ZNF649: variants seen among roughly 807,000 people sequenced by gnomAD.
The protein encoded by ZNF649 is zinc finger protein 649.
Under a neutral mutation model 14.1 loss-of-function variants are expected in ZNF649, and 7 were observed. The observed-to-expected ratio is 0.49, with a 90% CI of 0.28 to 0.93. The LOEUF (loss-of-function observed/expected upper bound fraction) is 0.93, where lower values mean the gene tolerates loss of function less well. ZNF649 is among the 40% of genes least tolerant of loss of function. The pLI is 0.10. For missense variants in ZNF649, 544 were observed against 608.1 expected (o/e 0.89, Z 1.11); for synonymous variants, 227 against 212.3 (o/e 1.07, Z -0.60).
Position 51,891,270 on chromosome 19 carries a change from G to C in ZNF649, c.866C>G (p.Pro289Arg). Residue 289 changes from proline to arginine, a missense_variant, in exon 5 of 5, where the codon CCC (proline) becomes CGC (arginine). Pro to Arg is a moderately radical substitution (Grantham distance 103, BLOSUM62 -2). Coordinates refer to ENST00000354957, the MANE Select transcript of ZNF649 (RefSeq NM_023074.4). The surrounding 1 kb of genome is among the most constrained non-coding windows in gnomAD (Gnocchi z 4.2). ...TCTCCCACATTCGCTGCATTGATGG[G>C]GCTTAATTCCCGTGTGAATCCTTTG... ...EHQRIHTGIK[P>R]HQCSECGRAF... is the part of the protein sequence containing the mutation. The C allele has an allele frequency of 6.2e-7, 1 of 1,614,190 alleles. No individual in the cohort carries two copies. Among genetic ancestry groups the C allele is most frequent in the East Asian group, 2.2e-5 (1 of 44,884 alleles).
intron 1 of ZNF649, among the ~76,000 whole-genome samples, chr19:51,901,147 ATT>A (rs2085092327): frequency 6.6e-6 from 1 of 152,152 alleles, no homozygotes; most frequent in African/African-American, 2.4e-5. Context: ...TTAGAGAGAG[ATT>A]GTGTGCCATG....
chr19:51,901,505 C>T (rs939472924), intron 1 of ZNF649, among the ~76,000 whole-genome samples: 1 of 152,108 alleles, frequency 6.6e-6, no homozygotes, highest in Non-Finnish European at 1.5e-5. Flanking sequence ...TTTGGCCAGG[C>T]ACAGTGGCTC....
rs767962177 is a variant in ZNF649, at chr19:51,896,893, C to T, written c.101G>A (p.Arg34Gln). 1.4e-5 allele frequency: 22 copies of T among 1,614,032 alleles called. No homozygotes were observed. The highest frequency in any genetic ancestry group is 8.9e-5 in the East Asian group (4 of 44,894). ...GCTGTAGTTCTCCAACATCACATCC[C>T]GGTACAGGTCCTTCTGAGCAGGGCT... ...FLSPAQKDLY[R>Q]DVMLENYSNL... The change falls in exon 3 of 5, where the codon CGG (arginine) becomes CAG (glutamine). Residue 34 changes from arginine (R) to glutamine (Q), a missense_variant. By Grantham distance (43) the Arg-to-Gln change is conservative (BLOSUM62 1). Transcript: ENST00000354957.
At chr19:51,896,687 T>C in intron 3 of ZNF649, 120 bp from the exon 4 acceptor site, 1 of 1,567,376 alleles carries the variant, frequency 6.4e-7, no homozygotes, top group Non-Finnish European at 8.8e-7. Flanking sequence ...TTAAAGGCTT[T>C]TTTTCTAAGA....
Position 51,897,088 on chromosome 19 carries a change from T to C in ZNF649, c.16-110A>G. The stretch of plus-strand genomic sequence containing the variant: ...TAAGCTGCACCTGCACAGTTGTCCC[T>C]TGGTATACTCAATGGAATGGTTTCA... On this transcript the variant is annotated intron_variant, in intron 2 of 4. Transcript: ENST00000354957. 3 of 1,469,018 alleles carry C rather than the reference T, an allele frequency of 2.0e-6. No homozygotes were observed. In the Admixed American group the frequency reaches 5.3e-5, roughly 26 times the overall value. The allele number at this position is 1,469,018 out of a possible 1,614,324, so 91.0% of individuals were successfully genotyped here. A position where few individuals can be genotyped will look rare whatever the true frequency, so the allele number is the denominator to read the frequency against.
Position 51,891,753 on chromosome 19 carries a change from T to C in ZNF649, c.383A>G (p.Glu128Gly). ...TNQSRRYNRK[E>G]PAEFNGDGAF... ...TCCATCTCCATTAAACTCAGCAGGC[T>C]CCTTTCTGTTGTATCTTCTGCTCTG... Residue 128 changes from glutamate to glycine, a missense_variant, in exon 5 of 5, where the codon GAG becomes GGG. By Grantham distance (98) the Glu-to-Gly change is moderately conservative. Transcript: ENST00000354957. The surrounding 1 kb of genome is among the most constrained non-coding windows in gnomAD (Gnocchi z 4.2). 1 of 1,613,830 alleles carries C rather than the reference T, an allele frequency of 6.2e-7. No homozygotes were observed. The highest frequency in any genetic ancestry group is 8.5e-7 in the Non-Finnish European group (1 of 1,179,980).
At chr19:51,897,806 A>C (rs2085072202) in intron 2 of ZNF649, among the ~76,000 whole-genome samples, 1 of 152,178 alleles carries the variant, frequency 6.6e-6, no homozygotes, top group Non-Finnish European at 1.5e-5. Flanking sequence ...GTACTATTTA[A>C]CTTGAGTCTT....
At position 51,891,687 on chromosome 19, in the gene ZNF649, A is replaced by G. The variant is rs375576422; in HGVS notation, c.449T>C (p.Ile150Thr). ...HDNHEQMPTE[I>T]EFPESRKPIS... ...GGGTTTTCTACTTTCAGGGAATTCA[A>G]TTTCCGTAGGCATTTGTTCATGATT... The change falls in exon 5 of 5, where the codon ATT (isoleucine) becomes ACT (threonine). Residue 150 changes from isoleucine (I) to threonine (T), a missense_variant. Ile to Thr is a moderately conservative substitution (Grantham distance 89). Coordinates refer to ENST00000354957, the MANE Select transcript of ZNF649 (RefSeq NM_023074.4). This position sits in a 1 kb window ranked among gnomAD's most constrained non-coding sequence, Gnocchi z 4.2. 5 of 1,613,470 alleles carry G rather than the reference A, an allele frequency of 3.1e-6. No homozygotes were observed. The highest frequency in any genetic ancestry group is 4.5e-5 in the East Asian group (2 of 44,892).
intron 2 of ZNF649, among the ~76,000 whole-genome samples, chr19:51,898,077 A>G (rs2085073822): frequency 6.6e-6 from 1 of 150,502 alleles, no homozygotes; most frequent in Non-Finnish European, 1.5e-5. Context: ...CAGCCTGGGC[A>G]ACAAAGTAAG....
rs1193227343 is a variant in ZNF649, at chr19:51,890,437, T to C, written c.*181A>G. ...CCCCAGCCAAACTCTATGATCAAGA[T>C]AGTAAATGAAAAACAATATTGTGGG... On this transcript the variant is annotated 3_prime_UTR_variant, in exon 5 of 5. Coordinates refer to ENST00000354957, the MANE Select transcript of ZNF649 (RefSeq NM_023074.4). The C allele has an allele frequency of 5.5e-6, 3 of 549,378 alleles. No individual in the cohort carries two copies. The highest frequency in any genetic ancestry group is 1.9e-5 in the African/African-American group (1 of 53,064). The allele number at this position is 549,378 out of a possible 1,614,324, so 34.0% of individuals were successfully genotyped here. A position where few individuals can be genotyped will look rare whatever the true frequency, so the allele number is the denominator to read the frequency against.
In ZNF649 at chr19:51,890,793, T is replaced by C. The variant is rs2085016294; in HGVS notation, c.1343A>G (p.His448Arg). 1 of 1,614,256 alleles carries C rather than the reference T, an allele frequency of 6.2e-7. No homozygotes were observed. Among genetic ancestry groups the C allele is most frequent in the Non-Finnish European group, 8.5e-7 (1 of 1,180,054 alleles). The part of the protein sequence containing the change: ...AYFYMSCLVK[H>R]KRIHSREKRG... ...TTTCTCCCTTGAGTGTATTCTCTTA[T>C]GTTTAACAAGGCAAGACATATAGAA... Residue 448 changes from histidine (H) to arginine (R), a missense_variant, in exon 5 of 5, where the codon CAT (histidine) becomes CGT (arginine). Transcript: ENST00000354957.
chr19:51,890,572 C>T lies in ZNF649; in HGVS notation c.*46G>A. The T allele has an allele frequency of 7.5e-7, 1 of 1,331,146 alleles. No homozygotes were observed. Among genetic ancestry groups the T allele is most frequent in the Non-Finnish European group, 1.1e-6 (1 of 943,196 alleles). The allele number at this position is 1,331,146 out of a possible 1,614,324, so 82.5% of individuals were successfully genotyped here. A position where few individuals can be genotyped will look rare whatever the true frequency, so the allele number is the denominator to read the frequency against. The stretch of plus-strand genomic sequence containing the variant: ...CCAAAGGCCCATGGGACATGACAAA[C>T]TCAGCATTCCGCTGGAGGCTATATG... On this transcript the variant is annotated 3_prime_UTR_variant, in exon 5 of 5. Coordinates refer to ENST00000354957, the MANE Select transcript of ZNF649 (RefSeq NM_023074.4).
chr19:51,899,701 A>G (rs776133560), intron 2 of ZNF649: 1 of 178,388 alleles, frequency 5.6e-6, no homozygotes, highest in East Asian at 1.5e-4. Flanking sequence ...AAAAGCATCA[A>G]ACTAATTTCC....
At chr19:51,892,205 C>T (rs941028893) in intron 4 of ZNF649, among the ~76,000 whole-genome samples, 1 of 151,522 alleles carries the variant, frequency 6.6e-6, no homozygotes, top group African/African-American at 2.4e-5. Flanking sequence ...GAAACCCCAT[C>T]TCTACTAAAA....
Position 51,896,914 on chromosome 19 carries a change from G to A in ZNF649, c.80C>T (p.Pro27Leu), listed in dbSNP as rs554936976. 255 of 1,614,166 alleles carry A rather than the reference G, an allele frequency of 1.6e-4. 2 individuals carry two copies. The South Asian group carries it at 2.7e-3, about 17-fold the overall frequency. The stretch of plus-strand genomic sequence containing the variant: ...ATCCCGGTACAGGTCCTTCTGAGCA[G>A]GGCTCAGGAACTGCCACTCCTCCCA... ...FTWEEWQFLS[P>L]AQKDLYRDVM... The change falls in exon 3 of 5, where the codon CCT becomes CTT. Residue 27 changes from proline to leucine, a missense_variant. By Grantham distance (98) the Pro-to-Leu change is moderately conservative (BLOSUM62 -3). Transcript: ENST00000354957.
At position 51,891,680 on chromosome 19, in the gene ZNF649, G is replaced by T. The variant is rs945189999; in HGVS notation, c.456C>A (p.Phe152Leu). Residue 152 changes from phenylalanine to leucine, a missense_variant, in exon 5 of 5, where the codon TTC becomes TTA. Phe to Leu is a conservative substitution (Grantham distance 22). Coordinates refer to ENST00000354957, the MANE Select transcript of ZNF649 (RefSeq NM_023074.4). The surrounding 1 kb of genome is among the most constrained non-coding windows in gnomAD (Gnocchi z 4.2). Reference protein sequence around the residue: ...NHEQMPTEIEFPESRKPISTK... With the variant: ...NHEQMPTEIELPESRKPISTK... The stretch of plus-strand genomic sequence containing the variant: ...TGCTGATGGGTTTTCTACTTTCAGG[G>T]AATTCAATTTCCGTAGGCATTTGTT... The T allele has an allele frequency of 4.3e-6, 7 of 1,613,542 alleles. No homozygotes were observed. Among genetic ancestry groups the T allele is most frequent in the Non-Finnish European group, 5.9e-6 (7 of 1,179,930 alleles).
intron 4 of ZNF649, among the ~76,000 whole-genome samples, chr19:51,892,374 C>CAAA (rs5828499): frequency 2.8e-5 from 3 of 107,776 alleles, no homozygotes; most frequent in Admixed American, 1.0e-4. Context: ...GACTCCATCT[C>CAAA]AAAAAAAAAA....
Position 51,904,986 on chromosome 19 carries a change from T to C in ZNF649, c.-260A>G, listed in dbSNP as rs1335583640. ...TGGCCCTTAAACCCCGGCACTGGCC[T>C]ATGGCGGCGGACGAGGGCGCGAGTC... On this transcript the variant is annotated 5_prime_UTR_variant, in exon 1 of 5. In the 5' UTR this introduces an upstream ATG that the reference lacks. Transcript: ENST00000354957. 2.7e-5 allele frequency: 4 copies of C among 147,696 alleles called. No individual in the cohort carries two copies. The highest frequency in any genetic ancestry group is 1.1e-4 in the African/African-American group (4 of 37,240). 9.1% of individuals were successfully genotyped at this position (147,696 alleles called of 1,614,324 possible).
rs764353245 is a variant in ZNF649 at position 51,891,328 on chromosome 19, C to G, written c.808G>C (p.Ala270Pro). Residue 270 changes from alanine to proline, a missense_variant, in exon 5 of 5, where the codon GCC (alanine) becomes CCC (proline). By Grantham distance (27) the Ala-to-Pro change is conservative. Transcript: ENST00000354957. The surrounding 1 kb of genome is among the most constrained non-coding windows in gnomAD (Gnocchi z 4.2). The stretch of plus-strand genomic sequence containing the variant: ...GTAAGCTCAGATTTCCTGGGGAAGG[C>G]TTTCCCACATTCACTGCACCCGTAT... ...KPYGCSECGK[A>P]FPRKSELTEH... 6.2e-7 allele frequency: 1 copy of G among 1,614,220 alleles called. No individual in the cohort carries two copies. The highest frequency in any genetic ancestry group is 8.5e-7 in the Non-Finnish European group (1 of 1,180,020).
Sources: gnomAD v4.1 joint callset for allele counts (sites outside exome capture counted in the v4.1 genomes callset) on GRCh38, gnomAD v4.1.1 for gene constraint, Gnocchi (gnomAD v3.1) non-coding constraint, MANE v1.5 for transcripts, NCBI Gene and HGNC (gene_info 2026-07-23, HGNC 2026-07-21) for gene names.